The following MOSMO variants were observed in gnomAD, a reference collection of about 807,000 sequenced individuals.
The protein encoded by MOSMO is modulator of smoothened protein.
A neutral mutation model predicts 18.4 loss-of-function variants in MOSMO; 5 were observed. The ratio of observed to expected loss-of-function variants is 0.27; its 90% CI spans 0.14 to 0.57. The LOEUF (loss-of-function observed/expected upper bound fraction) is 0.57. MOSMO is among the 20% of genes least tolerant of loss of function. The pLI is 0.92. For synonymous variants in MOSMO, 82 were observed against 82.3 expected (o/e 1.00, Z 0.02); for missense variants, 138 against 211.8 (o/e 0.65, Z 2.16).
At chr16:22,038,522 AG>A (rs1188275648) in intron 1 of MOSMO, among the ~76,000 whole-genome samples, 1 of 152,192 alleles carries the variant, frequency 6.6e-6, no homozygotes, top group African/African-American at 2.4e-5. Context: ...ACATGAGGAA[AG>A]GAAGTGAGGA....
At chr16:22,055,109 T>C (rs1900506473) in intron 1 of MOSMO, among the ~76,000 whole-genome samples, 1 of 152,194 alleles carries the variant, frequency 6.6e-6, no homozygotes, top group African/African-American at 2.4e-5. Context: ...CCATTTGTTT[T>C]TGAGGGTCAA....
intron 1 of MOSMO, among the ~76,000 whole-genome samples, chr16:22,013,883 G>A (rs531116108): frequency 2.0e-5 from 3 of 151,504 alleles, no homozygotes; most frequent in African/African-American, 7.3e-5. Flanking sequence ...TACTGTTTGG[G>A]GGGGGGGAAT....
intron 1 of MOSMO, among the ~76,000 whole-genome samples, chr16:22,043,715 C>T (rs1900253099): frequency 6.6e-6 from 1 of 152,096 alleles, no homozygotes; most frequent in African/African-American, 2.4e-5. Flanking sequence ...ATCTTAGGTA[C>T]AGAATCTGAT....
intron 1 of MOSMO, among the ~76,000 whole-genome samples, chr16:22,017,021 G>C (rs1469969698): frequency 6.6e-6 from 1 of 152,136 alleles, no homozygotes; most frequent in African/African-American, 2.4e-5. Context: ...ATAGAAACCT[G>C]GCAAGCGATA....
intron 2 of MOSMO, among the ~76,000 whole-genome samples, chr16:22,077,718 G>A (rs978315519): frequency 2.6e-5 from 4 of 152,064 alleles, no homozygotes; most frequent in Admixed American, 6.5e-5. Context: ...GCCCCACCGA[G>A]GACCTCCTGG....
chr16:22,044,456 TC>T (rs1900268935), intron 1 of MOSMO, among the ~76,000 whole-genome samples: 1 of 152,144 alleles, frequency 6.6e-6, no homozygotes, highest in Admixed American at 6.5e-5. Context: ...GCATCCCAAA[TC>T]CCAAATGCTC....
intron 1 of MOSMO, among the ~76,000 whole-genome samples, chr16:22,067,692 T>A (rs1900773321): frequency 6.6e-6 from 1 of 151,998 alleles, no homozygotes; most frequent in African/African-American, 2.4e-5. Context: ...AAGCATGTTG[T>A]TTAGTAGAGA....
chr16:22,080,577 G>A, intron 2 of MOSMO, 119 bp from the exon 3 acceptor site: 1 of 552,018 alleles, frequency 1.8e-6, no homozygotes, highest in Non-Finnish European at 3.0e-6. Context: ...TTAACAAGTG[G>A]TCCATGTTTT....
intron 2 of MOSMO, chr16:22,076,060 T>A: frequency 5.8e-6 from 1 of 171,342 alleles, no homozygotes; most frequent in Admixed American, 5.6e-5. Flanking sequence ...ATAGAACAAA[T>A]ACATAAAAAT....
At chr16:22,026,258 G>A (rs1392473142) in intron 1 of MOSMO, among the ~76,000 whole-genome samples, 13 of 139,524 alleles carry the variant, frequency 9.3e-5, no homozygotes, top group Non-Finnish European at 1.4e-4. Context: ...TCACTCTGTC[G>A]CCCAGGCTGG....
chr16:22,067,127 T>A (rs147630787), intron 1 of MOSMO, among the ~76,000 whole-genome samples: 110 of 152,118 alleles, frequency 7.2e-4, no homozygotes, highest in Middle Eastern at 3.4e-3. Context: ...AAATCAGAAG[T>A]AGAAAGAATC....
At chr16:22,090,282 T>C (rs1272717956), downstream of MOSMO, 1 of 152,240 alleles carries the variant, frequency 6.6e-6, no homozygotes, top group Non-Finnish European at 1.5e-5. Context: ...TAACATCACT[T>C]TAGCTTTTGG....
At chr16:22,070,800 G>A (rs374623993) in intron 1 of MOSMO, among the ~76,000 whole-genome samples, 7 of 152,066 alleles carry the variant, frequency 4.6e-5, no homozygotes, top group South Asian at 2.1e-4. Flanking sequence ...TAAGTTACCC[G>A]TAGGCTGTTG....
intron 1 of MOSMO, among the ~76,000 whole-genome samples, chr16:22,047,576 T>C (rs1315928080): frequency 6.6e-6 from 1 of 152,140 alleles, no homozygotes; most frequent in Non-Finnish European, 1.5e-5. Flanking sequence ...CCTGTATTGA[T>C]AGATATTTAG....
intron 1 of MOSMO, among the ~76,000 whole-genome samples, chr16:22,067,855 G>T (rs1196303517): frequency 1.3e-5 from 2 of 150,444 alleles, no homozygotes; most frequent in African/African-American, 2.5e-5. Flanking sequence ...CTTCTGCCTG[G>T]ACAACAGAAT....
chr16:22,087,294 T>TCGA (rs1179072143), downstream of MOSMO: 1 of 152,212 alleles, frequency 6.6e-6, no homozygotes, highest in Non-Finnish European at 1.5e-5. Context: ...AGGAATGGAC[T>TCGA]CGAGGATTTG....
intron 1 of MOSMO, among the ~76,000 whole-genome samples, chr16:22,071,574 G>T (rs897996965): frequency 6.6e-6 from 1 of 152,176 alleles, no homozygotes; most frequent in African/African-American, 2.4e-5. Flanking sequence ...GATGAGCGTC[G>T]AAGCTTCTTA....
At chr16:22,075,826 G>A (rs943291143) in intron 2 of MOSMO, 127 bp downstream of exon 2, 54 of 685,520 alleles carry the variant, frequency 7.9e-5, no homozygotes, top group Admixed American at 7.6e-4. Context: ...GTGTATGGCC[G>A]TGAGATAGAC....
intron 1 of MOSMO, among the ~76,000 whole-genome samples, chr16:22,069,369 C>A (rs2141771108): frequency 6.6e-6 from 1 of 152,244 alleles, no homozygotes; most frequent in East Asian, 1.9e-4. Context: ...GCAGTATAAT[C>A]CAGACCTTTA....
Sources: gnomAD v4.1 joint callset for allele counts (sites outside exome capture counted in the v4.1 genomes callset) on GRCh38, gnomAD v4.1.1 for gene constraint, MANE v1.5 for transcripts, NCBI Gene and HGNC (gene_info 2026-07-23, HGNC 2026-07-21) for gene names.